ASTN1: variants seen among roughly 807,000 people sequenced by gnomAD.
ASTN1 encodes astrotactin 1.
Under a neutral mutation model 140.7 loss-of-function variants are expected in ASTN1, and 41 were observed. The observed-to-expected ratio is 0.29, with a 90% CI of 0.23 to 0.38. The LOEUF (loss-of-function observed/expected upper bound fraction) is 0.38. ASTN1 is among the 10% of genes least tolerant of loss of function. The probability of loss-of-function intolerance (pLI) is 1.00; values close to 1 mark genes in which losing one functional copy is unlikely to be tolerated. For synonymous variants in ASTN1, 640 were observed against 652.2 expected, an observed-to-expected ratio of 0.98 and a Z score of 0.29; for missense variants, 1,479 against 1,678.8, an observed-to-expected ratio of 0.88 and a Z score of 2.08.
chr1:177,105,072 C>T (rs1230818728), intron 1 of ASTN1, among the ~76,000 whole-genome samples: 1 of 152,154 alleles, frequency 6.6e-6, no homozygotes, highest in Non-Finnish European at 1.5e-5. Context: ...CTCCAATTTG[C>T]CATTTGCCCT....
intron 16 of ASTN1, among the ~76,000 whole-genome samples, chr1:176,916,968 A>G (rs1466051840): frequency 6.6e-6 from 1 of 151,908 alleles, no homozygotes; most frequent in Non-Finnish European, 1.5e-5. Context: ...CCAGGTGGAC[A>G]GCACTTTCTC....
intron 2 of ASTN1, among the ~76,000 whole-genome samples, chr1:177,034,921 G>GT (rs1378249400): frequency 1.3e-5 from 2 of 152,164 alleles, no homozygotes; most frequent in African/African-American, 4.8e-5. Flanking sequence ...TAAACACTAT[G>GT]TTTTTTGCTC....
intron 8 of ASTN1, among the ~76,000 whole-genome samples, chr1:177,001,433 A>T (rs1674722579): frequency 6.6e-6 from 1 of 152,242 alleles, no homozygotes; most frequent in Admixed American, 6.5e-5. Context: ...ATGTAATATT[A>T]TTGAGCACAA....
At chr1:176,952,335 G>A (rs1672227762) in intron 11 of ASTN1, among the ~76,000 whole-genome samples, 2 of 151,012 alleles carry the variant, frequency 1.3e-5, no homozygotes, top group Non-Finnish European at 2.9e-5. Flanking sequence ...AAAATACTGA[G>A]TGTAAATATT....
intron 8 of ASTN1, among the ~76,000 whole-genome samples, chr1:177,000,929 T>A (rs1259421818): frequency 6.6e-6 from 1 of 152,210 alleles, no homozygotes; most frequent in East Asian, 1.9e-4. Context: ...TCCACCTCTA[T>A]GTGTCTAGAA....
At chr1:177,044,266 C>T (rs1677111967) in intron 2 of ASTN1, among the ~76,000 whole-genome samples, 1 of 150,802 alleles carries the variant, frequency 6.6e-6, no homozygotes, top group Middle Eastern at 3.4e-3. Context: ...CCACCCATAG[C>T]CCCAGGCTGT....
intron 1 of ASTN1, among the ~76,000 whole-genome samples, chr1:177,072,321 G>A (rs1218993531): frequency 6.6e-6 from 1 of 152,162 alleles, no homozygotes; most frequent in East Asian, 1.9e-4. Context: ...GCAATCTGAT[G>A]TGATTTCATT....
At chr1:176,940,109 G>T (rs1402389279) in intron 14 of ASTN1, among the ~76,000 whole-genome samples, 5 of 152,128 alleles carry the variant, frequency 3.3e-5, no homozygotes, top group African/African-American at 1.2e-4. Context: ...GCAGCCAGCA[G>T]CCTCCTCTAC....
At chr1:177,014,975 T>C in intron 7 of ASTN1, 100 bp from the exon 8 acceptor site, 2 of 1,041,054 alleles carry the variant, frequency 1.9e-6, no homozygotes, top group Non-Finnish European at 2.9e-6. Flanking sequence ...GGTAAACTCT[T>C]ACTCTGATAT....
At chr1:177,152,304 A>G (rs1683073468) in intron 1 of ASTN1, among the ~76,000 whole-genome samples, 1 of 152,148 alleles carries the variant, frequency 6.6e-6, no homozygotes, top group Admixed American at 6.6e-5. Flanking sequence ...GAAACTGATA[A>G]CAGTAAAATG....
At chr1:177,029,502 T>C in intron 5 of ASTN1, 132 bp downstream of exon 5, 1 of 926,616 alleles carries the variant, frequency 1.1e-6, no homozygotes, top group South Asian at 1.4e-5. Flanking sequence ...CCAGTTGTGG[T>C]CCAAAAATTC....
rs905174184 is a variant in ASTN1, at chr1:177,007,687, G to A, written c.1523+7104C>T. ...TACTTAGGTAGCTGCTCTATGAACC[G>A]GCATGCACGAGTCACTCATTAGGGC... On this transcript the variant is annotated intron_variant, in intron 8 of 22. Coordinates refer to ENST00000361833, the MANE Select transcript of ASTN1 (RefSeq NM_004319.3). 4.6e-5 allele frequency among the ~76,000 whole-genome samples: 7 copies of A among 152,068 alleles called. No individual in the cohort carries two copies. In the East Asian group the frequency reaches 7.7e-4, roughly 17 times the overall value.
In ASTN1 at chr1:176,862,285, G is replaced by C. The variant is rs556755848; in HGVS notation, c.*1999C>G. On this transcript the variant is annotated 3_prime_UTR_variant, in exon 23 of 23. Coordinates refer to ENST00000361833, the MANE Select transcript of ASTN1 (RefSeq NM_004319.3). Reference sequence around the variant, plus strand: ...AAATCCTTCAGTGTTTGGAAAGAAGGAGAGAGGAGAGTGAAACCACCCTGT... The same window carrying C: ...AAATCCTTCAGTGTTTGGAAAGAAGCAGAGAGGAGAGTGAAACCACCCTGT... 5.1e-6 allele frequency: 5 copies of C among 985,310 alleles called. No homozygotes were observed. Among genetic ancestry groups the C allele is most frequent in the Non-Finnish European group, 2.4e-6 (2 of 829,956 alleles). The allele number at this position is 985,310 out of a possible 1,614,324, so 61.0% of individuals were successfully genotyped here.
intron 1 of ASTN1, among the ~76,000 whole-genome samples, chr1:177,142,269 T>C (rs1682506780): frequency 6.6e-6 from 1 of 152,070 alleles, no homozygotes; most frequent in African/African-American, 2.4e-5. Flanking sequence ...GTCAAATTGC[T>C]GTTGTTTTTT....
At chr1:177,076,177 G>T (rs1446621265) in intron 1 of ASTN1, among the ~76,000 whole-genome samples, 3 of 150,864 alleles carry the variant, frequency 2.0e-5, no homozygotes, top group Non-Finnish European at 2.9e-5. Context: ...TACTCGGGAG[G>T]CTGAGGCAGG....
intron 1 of ASTN1, among the ~76,000 whole-genome samples, chr1:177,089,216 A>G (rs948867041): frequency 6.6e-6 from 1 of 152,188 alleles, no homozygotes; most frequent in Non-Finnish European, 1.5e-5. Context: ...TCTGTGATGT[A>G]TCAGATGCCA....
intron 8 of ASTN1, among the ~76,000 whole-genome samples, chr1:176,985,833 T>A (rs1212135563): frequency 2.1e-5 from 3 of 144,464 alleles, no homozygotes; most frequent in Non-Finnish European, 4.5e-5. Context: ...TGGTTCTCTC[T>A]CTCTCTCTCT....
At position 176,893,651 on chromosome 1, in the gene ASTN1, C is replaced by T. The variant is rs370387801; in HGVS notation, c.2940+911G>A. Among the ~76,000 whole-genome samples, 33 of 152,262 alleles carry T rather than the reference C, an allele frequency of 2.2e-4. No homozygotes were observed. The East Asian group carries it at 6.2e-3, about 29-fold the overall frequency. ...GGAGAAAACAGAAAGCAATTATCAC[C>T]CCACCTGGATGGGCACACCTCTCAG... On this transcript the variant is annotated intron_variant, in intron 17 of 22. Coordinates refer to ENST00000361833, the MANE Select transcript of ASTN1 (RefSeq NM_004319.3).
chr1:176,858,690 T>G (rs1667880060), downstream of ASTN1, among the ~76,000 whole-genome samples: 2 of 152,178 alleles, frequency 1.3e-5, no homozygotes, highest in South Asian at 2.1e-4. Context: ...CTGCTCAGCT[T>G]GTGAAGGTAA....
Sources: gnomAD v4.1 joint callset for allele counts (sites outside exome capture counted in the v4.1 genomes callset) on GRCh38, gnomAD v4.1.1 for gene constraint, MANE v1.5 for transcripts, NCBI Gene and HGNC (gene_info 2026-07-23, HGNC 2026-07-21) for gene names.